DNAJB14: variants seen among roughly 807,000 people sequenced by gnomAD.
DNAJB14 encodes dnaJ homolog subfamily B member 14.
DNAJB14 carries 22 observed loss-of-function variants against 48.4 expected under a neutral mutation model. That is an observed-to-expected ratio of 0.45 (90% CI 0.32 to 0.65). DNAJB14 has a LOEUF of 0.65. Among genes scored for constraint, DNAJB14 ranks in the 30% least tolerant of loss-of-function variants. The pLI is 0.03. For synonymous variants in DNAJB14, 142 were observed against 158.7 expected (o/e 0.89, Z 0.79); for missense variants, 319 against 458.8 (o/e 0.70, Z 2.78).
At chr4:99,932,977 G>A (rs888844923) in intron 1 of DNAJB14, among the ~76,000 whole-genome samples, 3 of 152,150 alleles carry the variant, frequency 2.0e-5, no homozygotes, top group African/African-American at 7.2e-5. Context: ...AGCTGGGGGT[G>A]CAGGGGAGGG....
Position 99,903,879 on chromosome 4 carries a change from T to C in DNAJB14, c.862A>G (p.Lys288Glu), listed in dbSNP as rs751188174. The part of the protein sequence containing the change: ...YPRSGTGQTI[K>E]MQTENLGVVY... ...ACACCCAAGTTTTCTGTTTGCATTT[T>C]AATAGTTTGCCCAGTTCCACTGTAA... The change falls in exon 7 of 8, where the codon AAA (lysine) becomes GAA (glutamate). Residue 288 changes from lysine (K) to glutamate (E), a missense_variant. Transcript: ENST00000442697. 7 of 1,612,352 alleles carry C rather than the reference T, an allele frequency of 4.3e-6. No homozygotes were observed. The highest frequency in any genetic ancestry group is 5.9e-6 in the Non-Finnish European group (7 of 1,179,214).
At position 99,946,454 on chromosome 4, in the gene DNAJB14, G is replaced by A. The variant is rs966192598; in HGVS notation, c.118C>T (p.Leu40=). Residue 40 remains leucine, a synonymous_variant, in exon 1 of 8, where the codon CTG becomes TTG. Transcript: ENST00000442697. ...FLQKAEKLYP[L]PSARALLEII... The stretch of plus-strand genomic sequence containing the variant: ...GAGGTCTCACCGCGGGCCGAGGGCA[G>A]TGGGTAGAGCTTCTCGGCCTTCTGC... 1 of 1,613,158 alleles carries A rather than the reference G, an allele frequency of 6.2e-7. No individual in the cohort carries two copies. Among genetic ancestry groups the A allele is most frequent in the Non-Finnish European group, 8.5e-7 (1 of 1,179,518 alleles).
At chr4:99,922,217 G>C (rs528919892) in intron 3 of DNAJB14, among the ~76,000 whole-genome samples, 6 of 152,068 alleles carry the variant, frequency 3.9e-5, no homozygotes, top group Non-Finnish European at 7.4e-5. Context: ...CAATCTTAAC[G>C]GTATTTTCAT....
At chr4:99,915,294 C>T (rs1310806043) in intron 3 of DNAJB14, among the ~76,000 whole-genome samples, 3 of 152,186 alleles carry the variant, frequency 2.0e-5, no homozygotes, top group Non-Finnish European at 2.9e-5. Context: ...CCCGCCACCA[C>T]GCCCGGCTAC....
chr4:99,923,130 C>G lies in DNAJB14; in HGVS notation c.361G>C (p.Asp121His). ...EVLGVTKDAG[D>H]EDLKKAYRKL... is the part of the protein sequence containing the mutation. The stretch of plus-strand genomic sequence containing the variant: ...CTATAAGCTTTTTTCAAATCTTCAT[C>G]ACCAGCATCTTTCGTAACTCCAAGT... Residue 121 changes from aspartate to histidine, a missense_variant, in exon 3 of 8, where the codon GAT (aspartate) becomes CAT (histidine). By Grantham distance (81) the Asp-to-His change is moderately conservative. Coordinates refer to ENST00000442697, the MANE Select transcript of DNAJB14 (RefSeq NM_001031723.4). The G allele has an allele frequency of 6.2e-7, 1 of 1,612,788 alleles. No homozygotes were observed. Among genetic ancestry groups the G allele is most frequent in the South Asian group, 1.1e-5 (1 of 90,940 alleles).
intron 2 of DNAJB14, chr4:99,930,168 C>T (rs1400452071): frequency 4.3e-6 from 1 of 232,796 alleles, no homozygotes; most frequent in Non-Finnish European, 8.2e-6. Flanking sequence ...AATATTGCTA[C>T]ATAAACAACA....
At chr4:99,901,230 C>CAGG in intron 7 of DNAJB14, 78 bp from the exon 8 acceptor site, 1 of 1,262,914 alleles carries the variant, frequency 7.9e-7, no homozygotes, top group Non-Finnish European at 1.1e-6. Context: ...TGATGCTTTA[C>CAGG]AGGAGCCCTT....
chr4:99,927,799 C>T (rs746432174), intron 2 of DNAJB14: 1 of 152,148 alleles, frequency 6.6e-6, no homozygotes, highest in Non-Finnish European at 1.5e-5. Context: ...CATAATCGTG[C>T]TAACCAACAA....
At chr4:99,903,513 A>G (rs1002910255) in intron 7 of DNAJB14, among the ~76,000 whole-genome samples, 3 of 152,228 alleles carry the variant, frequency 2.0e-5, no homozygotes, top group Non-Finnish European at 4.4e-5. Flanking sequence ...ATATTTATTG[A>G]TAACAATAGA....
At chr4:99,913,622 T>A (rs1168333633) in intron 3 of DNAJB14, among the ~76,000 whole-genome samples, 2 of 126,816 alleles carry the variant, frequency 1.6e-5, no homozygotes, top group African/African-American at 6.7e-5. Flanking sequence ...TGGTCTGTAG[T>A]TTTTTTTTTT....
chr4:99,946,317 G>C (rs1056098651), intron 1 of DNAJB14, 122 bp downstream of exon 1: 22 of 1,454,756 alleles, frequency 1.5e-5, no homozygotes, highest in Non-Finnish European at 1.9e-5. Context: ...GCCTGGGGCT[G>C]GGGCTGGCTC....
At chr4:99,942,917 C>G (rs1726934271) in intron 1 of DNAJB14, among the ~76,000 whole-genome samples, 1 of 152,092 alleles carries the variant, frequency 6.6e-6, no homozygotes, top group South Asian at 2.1e-4. Flanking sequence ...TGGTGGTGGA[C>G]TAGTATAAGT....
chr4:99,906,683 TTTTC>T, intron 4 of DNAJB14, 72 bp from the exon 5 acceptor site: 1 of 1,260,904 alleles, frequency 7.9e-7, no homozygotes, highest in Non-Finnish European at 1.1e-6. Context: ...TCTTTCACAT[TTTTC>T]TTTAATTTTA....
intron 1 of DNAJB14, chr4:99,942,285 CA>C (rs1238806054): frequency 6.6e-6 from 1 of 151,618 alleles, no homozygotes; most frequent in African/African-American, 2.4e-5. Context: ...CCAATTGATT[CA>C]AATTACTACA....
intron 5 of DNAJB14, chr4:99,906,067 G>GA: frequency 7.6e-7 from 1 of 1,317,548 alleles, no homozygotes; most frequent in Non-Finnish European, 9.9e-7. Context: ...GATGGGAGCT[G>GA]ATGAGTGGCA....
At chr4:99,922,962 A>C in intron 3 of DNAJB14, 78 bp downstream of exon 3, 3 of 1,432,164 alleles carry the variant, frequency 2.1e-6, no homozygotes, top group Non-Finnish European at 1.9e-6. Context: ...GTCCAAAAGC[A>C]GAACTTAATA....
At chr4:99,911,407 C>A (rs140280172) in intron 3 of DNAJB14, among the ~76,000 whole-genome samples, 1,584 of 152,158 alleles carry the variant, frequency 0.01, 46 homozygotes, top group Middle Eastern at 0.068. Flanking sequence ...TGGAATAAAT[C>A]CCCAGGAGTG....
intron 1 of DNAJB14, among the ~76,000 whole-genome samples, chr4:99,933,750 C>T (rs1445936981): frequency 6.6e-6 from 1 of 152,150 alleles, no homozygotes; most frequent in Non-Finnish European, 1.5e-5. Context: ...TTTTAAATCT[C>T]TCCGAATTCC....
intron 1 of DNAJB14, among the ~76,000 whole-genome samples, chr4:99,932,403 A>C (rs748372774): frequency 1.1e-4 from 16 of 151,956 alleles, no homozygotes; most frequent in African/African-American, 2.9e-4. Flanking sequence ...AATAAGCACA[A>C]AAAAAAAGTT....
Sources: allele counts gnomAD v4.1 joint callset (sites outside exome capture counted in the v4.1 genomes callset), GRCh38; gene constraint gnomAD v4.1.1; transcripts MANE v1.5; gene names NCBI Gene and HGNC (gene_info 2026-07-23, HGNC 2026-07-21).